The following SEMA3A variants were observed in gnomAD, a reference collection of about 807,000 sequenced individuals.
SEMA3A encodes semaphorin-3A.
In SEMA3A, 29 loss-of-function variants were observed where a neutral mutation model predicts 97.9. That is an observed-to-expected ratio of 0.30 (90% CI 0.22 to 0.40). SEMA3A has a LOEUF of 0.40. Ranked by LOEUF, SEMA3A falls within the 10% of genes least tolerant of loss-of-function variation. SEMA3A has a pLI of 1.00. For missense variants in SEMA3A, 763 were observed against 951.3 expected, an observed-to-expected ratio of 0.80 and a Z score of 2.60; for synonymous variants, 321 against 323.7, an observed-to-expected ratio of 0.99 and a Z score of 0.09.
intron 3 of SEMA3A, among the ~76,000 whole-genome samples, chr7:84,114,000 G>A (rs1795350218): frequency 6.6e-6 from 1 of 151,948 alleles, no homozygotes; most frequent in Admixed American, 6.6e-5. Context: ...TCTACCCCTA[G>A]AAAAAGATAC....
chr7:84,354,918 T>G (rs985959232), intron 2 of SEMA3A, among the ~76,000 whole-genome samples: 6 of 151,748 alleles, frequency 4.0e-5, no homozygotes, highest in Admixed American at 2.6e-4. Flanking sequence ...TTCTTCATAT[T>G]ATAATAGATT....
At chr7:84,062,127 A>G (rs893409920) in intron 4 of SEMA3A, among the ~76,000 whole-genome samples, 3 of 152,344 alleles carry the variant, frequency 2.0e-5, no homozygotes, top group Middle Eastern at 3.4e-3. Context: ...AATGCTATTT[A>G]TATTCTATTA....
At chr7:84,010,419 GT>G (rs1790832106) in intron 9 of SEMA3A, among the ~76,000 whole-genome samples, 1 of 152,150 alleles carries the variant, frequency 6.6e-6, no homozygotes, top group Non-Finnish European at 1.5e-5. Context: ...ATGCAGAAAA[GT>G]GTAGCAAATA....
chr7:83,966,517 C>A (rs1320980349), intron 15 of SEMA3A, among the ~76,000 whole-genome samples: 1 of 152,092 alleles, frequency 6.6e-6, no homozygotes, highest in African/African-American at 2.4e-5. Context: ...TTTACCCTTT[C>A]TTTCCCCTTT....
chr7:84,082,045 A>G (rs1562766518), intron 4 of SEMA3A, among the ~76,000 whole-genome samples: 1 of 152,102 alleles, frequency 6.6e-6, no homozygotes, highest in Non-Finnish European at 1.5e-5. Context: ...ATTTTTTATA[A>G]CACTACAGGG....
intron 1 of SEMA3A, among the ~76,000 whole-genome samples, chr7:84,169,631 T>G (rs1288051713): frequency 6.6e-6 from 1 of 151,188 alleles, no homozygotes; most frequent in Admixed American, 6.6e-5. Flanking sequence ...TTCCAGAAGT[T>G]TCTTCTTGGC....
intron 12 of SEMA3A, among the ~76,000 whole-genome samples, chr7:83,990,992 C>T (rs533137493): frequency 1.3e-5 from 2 of 151,788 alleles, no homozygotes; most frequent in East Asian, 1.9e-4. Flanking sequence ...TCTTTTATTT[C>T]CTTGAGCAGT....
At chr7:84,133,881 T>A (rs1292253151) in intron 2 of SEMA3A, among the ~76,000 whole-genome samples, 1 of 126,544 alleles carries the variant, frequency 7.9e-6, no homozygotes, top group Non-Finnish European at 1.6e-5. Flanking sequence ...AAACCTCGTC[T>A]CTACTAAAAA....
At chr7:84,030,666 T>C (rs186206703) in intron 6 of SEMA3A, among the ~76,000 whole-genome samples, 1 of 152,310 alleles carries the variant, frequency 6.6e-6, no homozygotes, top group Non-Finnish European at 1.5e-5. Flanking sequence ...ATATATGTTT[T>C]TGAAAGAACA....
At chr7:84,348,137 A>G (rs1049719938) in intron 2 of SEMA3A, among the ~76,000 whole-genome samples, 1 of 152,168 alleles carries the variant, frequency 6.6e-6, no homozygotes, top group African/African-American at 2.4e-5. Flanking sequence ...AAAAGTCAAT[A>G]AAAAATGCTG....
intron 3 of SEMA3A, among the ~76,000 whole-genome samples, chr7:84,306,224 A>G (rs1801150609): frequency 6.6e-6 from 1 of 151,792 alleles, no homozygotes. Flanking sequence ...TTTTTTCATA[A>G]ATTTTTTACT....
chr7:84,389,899 G>C (rs1004551924), intron 1 of SEMA3A, among the ~76,000 whole-genome samples: 1 of 152,044 alleles, frequency 6.6e-6, no homozygotes, highest in Admixed American at 6.6e-5. Context: ...ATTAGACAGA[G>C]AGAAAGAGAC....
chr7:84,146,099 G>A (rs762167864), intron 1 of SEMA3A, among the ~76,000 whole-genome samples: 1 of 152,102 alleles, frequency 6.6e-6, no homozygotes, highest in Non-Finnish European at 1.5e-5. Flanking sequence ...TCTATCCTTC[G>A]ATGGATGCCT....
chr7:84,129,122 C>T lies in SEMA3A; in HGVS notation c.333+1G>A. 6.2e-7 allele frequency: 1 copy of T among 1,606,774 alleles called. No homozygotes were observed. Among genetic ancestry groups the T allele is most frequent in the Non-Finnish European group, 8.5e-7 (1 of 1,173,424 alleles). ...TAATAATTTAGTAGGTTAATGCTTA[C>T]CAGGATGTCTTTTCCAGCCCACTTG... On this transcript the variant is annotated splice_donor_variant, in intron 3 of 16. Transcript: ENST00000265362. LOFTEE classifies it high-confidence loss of function.
At chr7:84,016,277 C>T (rs1256328248) in intron 6 of SEMA3A, among the ~76,000 whole-genome samples, 1 of 152,046 alleles carries the variant, frequency 6.6e-6, no homozygotes, top group Non-Finnish European at 1.5e-5. Flanking sequence ...CGGTGGCTCA[C>T]GCCTGTAATC....
intron 3 of SEMA3A, among the ~76,000 whole-genome samples, chr7:84,241,507 G>T (rs896273474): frequency 6.6e-6 from 1 of 151,922 alleles, no homozygotes; most frequent in South Asian, 2.1e-4. Flanking sequence ...GGATATTAAG[G>T]CTTTGTCAGA....
chr7:84,297,057 A>T (rs1313805166), intron 3 of SEMA3A, among the ~76,000 whole-genome samples: 1 of 152,128 alleles, frequency 6.6e-6, no homozygotes, highest in Non-Finnish European at 1.5e-5. Context: ...AGCTCACTGC[A>T]ACATCCGCCT....
At chr7:84,489,746 T>C (rs1248854882) in intron 1 of SEMA3A, among the ~76,000 whole-genome samples, 1 of 117,572 alleles carries the variant, frequency 8.5e-6, no homozygotes, top group Non-Finnish European at 1.7e-5. Context: ...AAAATTGAAC[T>C]CCTTTTTTCT....
chr7:84,091,080 G>T (rs1794551735), intron 4 of SEMA3A, among the ~76,000 whole-genome samples: 1 of 131,710 alleles, frequency 7.6e-6, no homozygotes, highest in Non-Finnish European at 1.6e-5. Context: ...AACTCAAAAT[G>T]AAAGAAAGAA....
Sources: gnomAD v4.1 joint callset for allele counts (sites outside exome capture counted in the v4.1 genomes callset) on GRCh38, gnomAD v4.1.1 for gene constraint, MANE v1.5 for transcripts, NCBI Gene and HGNC (gene_info 2026-07-23, HGNC 2026-07-21) for gene names.